Variants in TPM4 observed in about 807,000 individuals in gnomAD.
TPM4 encodes tropomyosin 4, also known as tropomyosin alpha-4 chain.
TPM4 carries 17 observed loss-of-function variants against 35.8 expected under a neutral mutation model. That is an observed-to-expected ratio of 0.47 (90% CI 0.32 to 0.71). The LOEUF (loss-of-function observed/expected upper bound fraction) is 0.71, where lower values mean the gene tolerates loss of function less well. Ranked by LOEUF, TPM4 falls within the 30% of genes least tolerant of loss-of-function variation. The pLI is 0.03. For missense variants in TPM4, 240 were observed against 320.9 expected, an observed-to-expected ratio of 0.75 and a Z score of 1.93; for synonymous variants, 120 against 122.9, an observed-to-expected ratio of 0.98 and a Z score of 0.15.
chr19:16,088,822 C>G (rs138416917), intron 4 of TPM4: 2 of 1,323,926 alleles, frequency 1.5e-6, no homozygotes, highest in African/African-American at 1.5e-5. Context: ...CCTCCAAATA[C>G]TCTTCGGGCG....
chr19:16,079,174 G>T lies in TPM4; in HGVS notation c.132+2477G>T, dbSNP rs139781709. Among the ~76,000 whole-genome samples the T allele has an allele frequency of 1.5e-3, 235 of 152,292 alleles. 1 individual carries two copies. Among genetic ancestry groups the T allele is most frequent in the Middle Eastern group, 3.4e-3 (1 of 294 alleles). On this transcript the variant is annotated intron_variant, in intron 1 of 7. Coordinates refer to ENST00000643579, the MANE Select transcript of TPM4 (RefSeq NM_003290.3). ...TGAAAATCTGCCAAAAGCGTTGTTT[G>T]CCAGGATTCAGAATTTCCCACATAA...
chr19:16,072,376 A>G (rs1241568806), upstream of TPM4, among the ~76,000 whole-genome samples: 1 of 152,208 alleles, frequency 6.6e-6, no homozygotes, highest in African/African-American at 2.4e-5. Context: ...AGGGCAGCAG[A>G]GCAGGCCACC....
At chr19:16,091,869 T>G (rs1345910721) in intron 5 of TPM4, among the ~76,000 whole-genome samples, 3 of 152,188 alleles carry the variant, frequency 2.0e-5, no homozygotes, top group Non-Finnish European at 4.4e-5. Context: ...CAGGCTGTGA[T>G]GCCATTAACT....
chr19:16,086,003 A>T (rs1214569437), intron 2 of TPM4, among the ~76,000 whole-genome samples: 1 of 143,758 alleles, frequency 7.0e-6, no homozygotes, highest in Non-Finnish European at 1.5e-5. Flanking sequence ...CAGGAGATGG[A>T]GGCTGCAGTG....
intron 7 of TPM4, among the ~76,000 whole-genome samples, chr19:16,094,165 T>A (rs1004793944): frequency 1.3e-5 from 2 of 151,994 alleles, no homozygotes; most frequent in African/African-American, 4.8e-5. Context: ...AAAATATCTC[T>A]GCTTAGTTAG....
intron 2 of TPM4, among the ~76,000 whole-genome samples, chr19:16,068,587 ATGTT>A (rs1568295534): frequency 6.6e-6 from 1 of 151,740 alleles, no homozygotes; most frequent in Non-Finnish European, 1.5e-5. Flanking sequence ...TGTATTGTGT[ATGTT>A]TGAGCGTGTG....
chr19:16,089,753 T>G (rs1292962742), intron 5 of TPM4, among the ~76,000 whole-genome samples: 1 of 151,660 alleles, frequency 6.6e-6, no homozygotes, highest in Admixed American at 6.6e-5. Context: ...ATTGCAGCCT[T>G]GAACTCCCAG....
intron 5 of TPM4, among the ~76,000 whole-genome samples, chr19:16,092,399 G>A (rs912383139): frequency 1.3e-5 from 2 of 151,834 alleles, no homozygotes; most frequent in East Asian, 1.9e-4. Flanking sequence ...CCCTTTCTTC[G>A]CCATACTTTT....
intron 7 of TPM4, among the ~76,000 whole-genome samples, chr19:16,096,839 C>T (rs1360622780): frequency 6.7e-6 from 1 of 149,948 alleles, no homozygotes; most frequent in Non-Finnish European, 1.5e-5. Flanking sequence ...ATAACAGGAA[C>T]CTTGCTTTAG....
At chr19:16,080,305 G>C (rs571966713) in intron 1 of TPM4, 4 of 208,462 alleles carry the variant, frequency 1.9e-5, no homozygotes, top group Non-Finnish European at 3.9e-5. Context: ...TTCTTCACCT[G>C]TAAAATGGGT....
At chr19:16,068,596 C>T (rs898446240) in intron 2 of TPM4, among the ~76,000 whole-genome samples, 6 of 151,908 alleles carry the variant, frequency 3.9e-5, no homozygotes, top group African/African-American at 1.2e-4. Flanking sequence ...TATGTTTGAG[C>T]GTGTGTCTGT....
chr19:16,095,323 C>A, intron 7 of TPM4: 1 of 1,039,462 alleles, frequency 9.6e-7, no homozygotes, highest in South Asian at 4.4e-5. Flanking sequence ...GGACCACGCT[C>A]TCAACGACAT....
intron 7 of TPM4, chr19:16,095,223 T>C (rs2090679664): frequency 3.0e-6 from 3 of 1,015,192 alleles, no homozygotes; most frequent in African/African-American, 3.4e-5. Context: ...TTCTGTCCCC[T>C]GTACTTCTGA....
Position 16,080,037 on chromosome 19 carries a change from G to A in TPM4, c.133-1876G>A, listed in dbSNP as rs149376269. The A allele has an allele frequency of 1.7e-3, 324 of 185,652 alleles. 2 individuals are homozygous for A. The highest frequency in any genetic ancestry group is 4.0e-3 in the Middle Eastern group (2 of 496). 11.5% of individuals were successfully genotyped at this position (185,652 alleles called of 1,614,324 possible). ...TTTTGATAGCCTTCCCCAGTTCAGG[G>A]ATTCTTCATTTGTTCTGATAGGAAA... On this transcript the variant is annotated intron_variant, in intron 1 of 7. Transcript: ENST00000643579.
chr19:16,068,943 G>C (rs116492737), intron 2 of TPM4, among the ~76,000 whole-genome samples: 198 of 152,316 alleles, frequency 1.3e-3, no homozygotes, highest in African/African-American at 4.6e-3. Context: ...GCGTGCGGCT[G>C]TTGGAAAGTA....
At chr19:16,089,021 C>G in intron 4 of TPM4, 24 bp from the exon 5 acceptor site, 1 of 1,613,778 alleles carries the variant, frequency 6.2e-7, no homozygotes, top group Non-Finnish European at 8.5e-7. Flanking sequence ...AGATAAGACA[C>G]AAAAATCCTT....
At chr19:16,099,662 C>T (rs1045387307) in intron 7 of TPM4, 5 of 152,248 alleles carry the variant, frequency 3.3e-5, no homozygotes, top group Middle Eastern at 3.4e-3. Flanking sequence ...GATGATATCA[C>T]ATTTTATGAG....
rs2090777739 is a variant in TPM4, at chr19:16,102,972, A to C, written c.*1626A>C. Reference sequence around the variant, plus strand: ...TATGTAATAGTATCACTTTTTCTACATTTTGGTCAAATAAATTTTTACATA... The same window carrying C: ...TATGTAATAGTATCACTTTTTCTACCTTTTGGTCAAATAAATTTTTACATA... On this transcript the variant is annotated 3_prime_UTR_variant, in exon 8 of 8. Coordinates refer to ENST00000643579, the MANE Select transcript of TPM4 (RefSeq NM_003290.3). The C allele has an allele frequency of 4.9e-6, 1 of 205,486 alleles. No homozygotes were observed. The highest frequency in any genetic ancestry group is 2.3e-5 in the African/African-American group (1 of 43,744). The allele number at this position is 205,486 out of a possible 1,614,324, so 12.7% of individuals were successfully genotyped here.
Position 16,081,946 on chromosome 19 carries a change from A to C in TPM4, c.166A>C (p.Ile56Leu), listed in dbSNP as rs1227295018. 4.4e-6 allele frequency: 7 copies of C among 1,606,954 alleles called. No homozygotes were observed. The highest frequency in any genetic ancestry group is 3.3e-4 in the Middle Eastern group (2 of 6,006). ...EGDVAALNRR[I>L]QLVEEELDRA... ...TGATGTGGCCGCCCTCAACCGACGC[A>C]TCCAGCTCGTTGAGGAGGAGTTGGA... The change falls in exon 2 of 8, where the codon ATC (isoleucine) becomes CTC (leucine). Residue 56 changes from isoleucine to leucine, a missense_variant. Transcript: ENST00000643579.
Sources: allele counts gnomAD v4.1 joint callset (sites outside exome capture counted in the v4.1 genomes callset), GRCh38; gene constraint gnomAD v4.1.1; transcripts MANE v1.5; gene names NCBI Gene and HGNC (gene_info 2026-07-23, HGNC 2026-07-21).